ZNF862: variants seen among roughly 807,000 people sequenced by gnomAD.
The protein encoded by ZNF862 is zinc finger protein 862.
In ZNF862, 64 loss-of-function variants were observed where a neutral mutation model predicts 91.1. The observed-to-expected ratio is 0.70, with a 90% CI of 0.57 to 0.87. ZNF862 has a LOEUF of 0.87. Among genes scored for constraint, ZNF862 ranks in the 40% least tolerant of loss-of-function variants. The probability of loss-of-function intolerance (pLI) is 0.00; values close to 1 mark genes in which losing one functional copy is unlikely to be tolerated. For synonymous variants in ZNF862, 631 were observed against 618.1 expected (o/e 1.02, Z -0.31); for missense variants, 1,459 against 1,528.0 (o/e 0.95, Z 0.75).
chr7:149,861,162 G>A lies in ZNF862; in HGVS notation c.2002G>A (p.Asp668Asn), dbSNP rs951598863. The change falls in exon 7 of 8, where the codon GAT (aspartate) becomes AAT (asparagine). Residue 668 changes from aspartate to asparagine, a missense_variant. Physicochemically the swap from Asp to Asn is conservative, Grantham distance 23 (BLOSUM62 1). Coordinates refer to ENST00000223210, the MANE Select transcript of ZNF862 (RefSeq NM_001099220.3). This position sits in a 1 kb window ranked among gnomAD's most constrained non-coding sequence, Gnocchi z 6.7. Reference sequence around the variant, plus strand: ...GGCCCCTCTCTACAGTGAGACAGCAGATGGGTACTTCGAGACCATCGTTTC... The same window carrying A: ...GGCCCCTCTCTACAGTGAGACAGCAAATGGGTACTTCGAGACCATCGTTTC... ...TLAPLYSETA[D>N]GYFETIVSAL... 6.2e-7 allele frequency: 1 copy of A among 1,613,066 alleles called. No individual in the cohort carries two copies. Among genetic ancestry groups the A allele is most frequent in the South Asian group, 1.1e-5 (1 of 91,014 alleles).
At chr7:149,859,396 A>G (rs1802373449) in intron 5 of ZNF862, 26 bp from the exon 6 acceptor site, 1 of 1,547,912 alleles carries the variant, frequency 6.5e-7, no homozygotes, top group African/African-American at 1.4e-5. Context: ...CAGTGACATC[A>G]GCATGATTCT....
At chr7:149,857,383 AT>A (rs538058791) in intron 5 of ZNF862, among the ~76,000 whole-genome samples, 8 of 151,222 alleles carry the variant, frequency 5.3e-5, no homozygotes, top group Admixed American at 6.6e-5. Context: ...TAACAATGCT[AT>A]TTTTTTTATT....
At chr7:149,852,287 T>G (rs940434036) in intron 5 of ZNF862, 13 of 151,962 alleles carry the variant, frequency 8.6e-5, no homozygotes, top group African/African-American at 3.1e-4. Context: ...CAAATATTAT[T>G]TTGCATTATC....
chr7:149,861,781 G>C lies in ZNF862; in HGVS notation c.2621G>C (p.Arg874Pro), dbSNP rs750688996. 2 of 1,613,626 alleles carry C rather than the reference G, an allele frequency of 1.2e-6. No homozygotes were observed. Among genetic ancestry groups the C allele is most frequent in the South Asian group, 2.2e-5 (2 of 91,090 alleles). The change falls in exon 7 of 8, where the codon CGC (arginine) becomes CCC (proline). Residue 874 changes from arginine (R) to proline (P), a missense_variant. By Grantham distance (103) the Arg-to-Pro change is moderately radical (BLOSUM62 -2). Transcript: ENST00000223210. The surrounding 1 kb of genome is among the most constrained non-coding windows in gnomAD (Gnocchi z 6.7). ...LITEVNATLGRAYVALESLRH... is the reference protein window; with the variant it reads ...LITEVNATLGPAYVALESLRH... ...ACAGAGGTGAACGCCACGCTGGGCC[G>C]CGCCTACGTGGCACTGGAGAGCCTC...
At chr7:149,838,870 G>T (rs950325505) in intron 1 of ZNF862, among the ~76,000 whole-genome samples, 1 of 152,256 alleles carries the variant, frequency 6.6e-6, no homozygotes, top group East Asian at 1.9e-4. Flanking sequence ...CCGAGCGTCC[G>T]CTGGGTCGAT....
chr7:149,858,613 A>T (rs1294561737), intron 5 of ZNF862: 2 of 152,248 alleles, frequency 1.3e-5, no homozygotes, highest in African/African-American at 4.8e-5. Context: ...ACATTCACAT[A>T]GACACACACA....
At chr7:149,856,801 A>G (rs776970857) in intron 5 of ZNF862, among the ~76,000 whole-genome samples, 6 of 152,130 alleles carry the variant, frequency 3.9e-5, no homozygotes, top group Non-Finnish European at 5.9e-5. Flanking sequence ...CTTAGTGTAC[A>G]TCCTCCAGTG....
At chr7:149,842,463 G>A (rs1161540881) in intron 1 of ZNF862, among the ~76,000 whole-genome samples, 2 of 152,168 alleles carry the variant, frequency 1.3e-5, no homozygotes, top group African/African-American at 4.8e-5. Flanking sequence ...TCTTATTCAC[G>A]CAGATTTGTG....
At chr7:149,851,689 G>A (rs1802072611) in intron 5 of ZNF862, 1 of 152,252 alleles carries the variant, frequency 6.6e-6, no homozygotes, top group Non-Finnish European at 1.5e-5. Context: ...GGATTGTTTA[G>A]CCTGTGCCTG....
At chr7:149,845,210 A>C (rs996355394) in intron 2 of ZNF862, 1 of 159,740 alleles carries the variant, frequency 6.3e-6, no homozygotes, top group African/African-American at 2.4e-5. Context: ...GAGATGAGTG[A>C]GATAAAACAG....
intron 4 of ZNF862, among the ~76,000 whole-genome samples, chr7:149,849,478 A>G (rs1461414415): frequency 6.6e-6 from 1 of 152,194 alleles, no homozygotes; most frequent in Non-Finnish European, 1.5e-5. Flanking sequence ...TTTCTCACCT[A>G]TTGCATAGAA....
At position 149,847,750 on chromosome 7, in the gene ZNF862, G is replaced by A. The variant is rs919885007; in HGVS notation, c.257G>A (p.Gly86Asp). 1 of 1,612,414 alleles carries A rather than the reference G, an allele frequency of 6.2e-7. No homozygotes were observed. ...LEHHPGKKQM[G>D]YMGEMEVQGP... ...TTCTCTAAAGGAAAAAAACAGATGG[G>A]CTACATGGGAGAAATGGAGGTGCAA... The change falls in exon 4 of 8, where the codon GGC becomes GAC. Residue 86 changes from glycine (G) to aspartate (D), a missense_variant. Physicochemically the swap from Gly to Asp is moderately conservative, Grantham distance 94 (BLOSUM62 -1). Transcript: ENST00000223210.
At chr7:149,839,784 G>A (rs1295396518) in intron 1 of ZNF862, among the ~76,000 whole-genome samples, 1 of 152,126 alleles carries the variant, frequency 6.6e-6, no homozygotes, top group African/African-American at 2.4e-5. Flanking sequence ...AGCCAATAAA[G>A]CTCAACAAAA....
Position 149,865,847 on chromosome 7 carries a change from A to G in ZNF862, c.*1563A>G. ...CCATAGTCTGCCGCTTCCCATTCCC[A>G]GGGTAGATGCTGGCATCTGAGCACC... is the stretch of plus-strand genomic sequence containing the variant. On this transcript the variant is annotated 3_prime_UTR_variant, in exon 8 of 8. Transcript: ENST00000223210. 6.6e-6 allele frequency: 1 copy of G among 151,606 alleles called. No individual in the cohort carries two copies. Among genetic ancestry groups the G allele is most frequent in the Non-Finnish European group, 1.5e-5 (1 of 67,912 alleles). The allele number at this position is 151,606 out of a possible 1,614,324, so 9.4% of individuals were successfully genotyped here.
At chr7:149,863,861 C>T (rs920723793) in intron 7 of ZNF862, among the ~76,000 whole-genome samples, 1 of 152,190 alleles carries the variant, frequency 6.6e-6, no homozygotes, top group Admixed American at 6.5e-5. Context: ...CATTTGTGAC[C>T]ACAAAAATCA....
At chr7:149,846,012 C>G in intron 2 of ZNF862, 139 bp from the exon 3 acceptor site, 1 of 640,134 alleles carries the variant, frequency 1.6e-6, no homozygotes, top group Admixed American at 2.6e-5. Context: ...CACCAAGACT[C>G]CTACTTTCCT....
chr7:149,863,864 A>G (rs1256761428), intron 7 of ZNF862, among the ~76,000 whole-genome samples: 4 of 152,240 alleles, frequency 2.6e-5, no homozygotes, highest in African/African-American at 9.6e-5. Flanking sequence ...TTGTGACCAC[A>G]AAAATCATCT....
chr7:149,853,343 G>C (rs1384029552), intron 5 of ZNF862, among the ~76,000 whole-genome samples: 1 of 152,200 alleles, frequency 6.6e-6, no homozygotes, highest in East Asian at 1.9e-4. Context: ...ATGGAATGTG[G>C]GTGTTTGTGG....
Position 149,838,419 on chromosome 7 carries a change from C to T in ZNF862, c.-193C>T, listed in dbSNP as rs997442661. 12 of 400,542 alleles carry T rather than the reference C, an allele frequency of 3.0e-5. No individual in the cohort carries two copies. The highest frequency in any genetic ancestry group is 4.4e-5 in the Admixed American group (1 of 22,664). The allele number at this position is 400,542 out of a possible 1,614,324, so 24.8% of individuals were successfully genotyped here. ...GCTCGGTGCGACGCAAGTCTCAGCT[C>T]AGCGCGCTTATCCTGGGTCCACCGG... On this transcript the variant is annotated 5_prime_UTR_variant, in exon 1 of 8. Transcript: ENST00000223210.
Sources: gnomAD v4.1 joint callset for allele counts (sites outside exome capture counted in the v4.1 genomes callset) on GRCh38, gnomAD v4.1.1 for gene constraint, Gnocchi (gnomAD v3.1) non-coding constraint, MANE v1.5 for transcripts, NCBI Gene and HGNC (gene_info 2026-07-23, HGNC 2026-07-21) for gene names.